PDE11A: variants seen among roughly 807,000 people sequenced by gnomAD.
The protein encoded by PDE11A is phosphodiesterase 11A, also known as dual 3',5'-cyclic-AMP and -GMP phosphodiesterase 11A.
PDE11A carries 100 observed loss-of-function variants against 100.5 expected under a neutral mutation model. That is an observed-to-expected ratio of 1.00 (90% CI 0.85 to 1.18). The LOEUF is 1.18. Ranked by LOEUF, PDE11A falls within the 50% of genes most tolerant of loss-of-function variation. The pLI is 0.00. For synonymous variants in PDE11A, 381 were observed against 420.8 expected (o/e 0.91, Z 1.16); for missense variants, 1,141 against 1,152.6 (o/e 0.99, Z 0.15).
In PDE11A at chr2:177,979,556, T is replaced by C. The variant is rs573037615; in HGVS notation, c.1071+34746A>G. ...TCTCAATTCTGTGGAATCCAGGGACTTGCATCTCTCTGACAGCTTTATTAC... is the reference window on the plus strand; with the variant it reads ...TCTCAATTCTGTGGAATCCAGGGACCTGCATCTCTCTGACAGCTTTATTAC... On this transcript the variant is annotated intron_variant, in intron 2 of 19. Coordinates refer to ENST00000286063, the MANE Select transcript of PDE11A (RefSeq NM_016953.4). Among the ~76,000 whole-genome samples, 216 of 149,786 alleles carry C rather than the reference T, an allele frequency of 1.4e-3. 3 individuals are homozygous for C. The highest frequency in any genetic ancestry group is 5.1e-3 in the African/African-American group (211 of 41,232).
chr2:177,959,976 A>T (rs551407008), intron 2 of PDE11A, among the ~76,000 whole-genome samples: 1 of 152,286 alleles, frequency 6.6e-6, no homozygotes, highest in South Asian at 2.1e-4. Context: ...TTTCCTAAGT[A>T]GCTAAGCATT....
rs138426417 is a variant in PDE11A at position 177,868,855 on chromosome 2, G to C, written c.1367+7004C>G. 6.7e-4 allele frequency among the ~76,000 whole-genome samples: 102 copies of C among 152,298 alleles called. No individual in the cohort carries two copies. The East Asian group carries it at 0.017, about 26-fold the overall frequency. On this transcript the variant is annotated intron_variant, in intron 5 of 19. Transcript: ENST00000286063. ...TCCTAAAGTGATCTTTCCTTGGTTT[G>C]TTGGCTGCAATTTTAAGGGTTGCTA...
chr2:177,851,008 C>A (rs78152536), intron 5 of PDE11A, among the ~76,000 whole-genome samples: 3,413 of 152,290 alleles, frequency 0.022, 59 homozygotes, highest in East Asian at 0.075. Context: ...ACTAGAAATA[C>A]CATTTGACCC....
At chr2:177,634,388 C>CT (rs1198925669) in intron 19 of PDE11A, among the ~76,000 whole-genome samples, 20 of 61,088 alleles carry the variant, frequency 3.3e-4, no homozygotes, top group African/African-American at 4.1e-4. Context: ...TTTTCTCTCT[C>CT]TCTTTTTTTT....
At chr2:177,881,325 T>TATC (rs2084333204) in intron 4 of PDE11A, among the ~76,000 whole-genome samples, 2 of 149,152 alleles carry the variant, frequency 1.3e-5, no homozygotes, top group African/African-American at 5.0e-5. Flanking sequence ...TATCTCTATC[T>TATC]ATCTATCATC....
At chr2:177,641,444 T>G (rs1327147818) in intron 19 of PDE11A, among the ~76,000 whole-genome samples, 1 of 95,892 alleles carries the variant, frequency 1.0e-5, no homozygotes. Flanking sequence ...AAAAAAAAGC[T>G]AGACTCCACA....
chr2:177,824,030 T>C (rs13414329), intron 6 of PDE11A, among the ~76,000 whole-genome samples: 3,273 of 152,220 alleles, frequency 0.022, 132 homozygotes, highest in African/African-American at 0.075. Flanking sequence ...CTTAGGCTGT[T>C]CGCCAGTTAA....
rs139428775 is a variant in PDE11A, at chr2:177,658,483, C to T, written c.2646+5383G>A. Among the ~76,000 whole-genome samples the T allele has an allele frequency of 1.3e-3, 192 of 151,494 alleles. 1 individual carries two copies. Among genetic ancestry groups the T allele is most frequent in the South Asian group, 0.012 (57 of 4,752 alleles). ...CCCTCCTCTGCCTCTCCTCCCTTCC[C>T]CTCTCCTCTCCTCTTCTTTTTTCCC... is the stretch of plus-strand genomic sequence containing the variant. On this transcript the variant is annotated intron_variant, in intron 19 of 19. Transcript: ENST00000286063.
intron 6 of PDE11A, among the ~76,000 whole-genome samples, chr2:177,832,031 C>A (rs147540229): frequency 2.0e-5 from 3 of 152,106 alleles, no homozygotes; most frequent in Non-Finnish European, 4.4e-5. Flanking sequence ...GACCCCTCCA[C>A]GAATGTCAGG....
At chr2:177,876,489 C>A (rs984094831) in intron 4 of PDE11A, among the ~76,000 whole-genome samples, 4 of 148,168 alleles carry the variant, frequency 2.7e-5, no homozygotes, top group Non-Finnish European at 5.9e-5. Flanking sequence ...CATACCAGTG[C>A]GAGAGTTGAC....
At chr2:177,805,184 A>G (rs1458310054) in intron 9 of PDE11A, among the ~76,000 whole-genome samples, 1 of 152,018 alleles carries the variant, frequency 6.6e-6, no homozygotes, top group Non-Finnish European at 1.5e-5. Context: ...TGAGTCAGGA[A>G]TTATTGTTTT....
At chr2:177,710,224 A>G (rs2081339560) in intron 13 of PDE11A, among the ~76,000 whole-genome samples, 1 of 152,004 alleles carries the variant, frequency 6.6e-6, no homozygotes, top group Non-Finnish European at 1.5e-5. Flanking sequence ...CCTCTTACCG[A>G]GATAGGAGGG....
chr2:178,078,237 T>C (rs1340496109), intron 2 of PDE11A, among the ~76,000 whole-genome samples: 2 of 152,114 alleles, frequency 1.3e-5, no homozygotes, highest in Non-Finnish European at 2.9e-5. Context: ...GTCACACATA[T>C]TATGTTTCCT....
intron 1 of PDE11A, among the ~76,000 whole-genome samples, chr2:178,104,628 A>G (rs1356262126): frequency 6.6e-6 from 1 of 152,246 alleles, no homozygotes; most frequent in Admixed American, 6.5e-5. Flanking sequence ...GCTTTAATGT[A>G]TGAGTGCTCA....
At chr2:178,053,463 A>T (rs2086855124) in intron 1 of PDE11A, among the ~76,000 whole-genome samples, 1 of 152,220 alleles carries the variant, frequency 6.6e-6, no homozygotes, top group South Asian at 2.1e-4. Context: ...GAAGACAGGG[A>T]TGCCCTCTCT....
At position 177,844,528 on chromosome 2, in the gene PDE11A, TTAA is replaced by T. The variant is rs1440893551; in HGVS notation, c.1368-4148_1368-4146del. On this transcript the variant is annotated intron_variant, in intron 5 of 19. Transcript: ENST00000286063. ...CAATTTTGGAATTCCTTTTTTTTTTTTAATTAATTAATTAATTTATTTATTTTT... is the reference window on the plus strand; with the variant it reads ...CAATTTTGGAATTCCTTTTTTTTTTTTTAATTAATTAATTTATTTATTTTT... 6.8e-3 allele frequency among the ~76,000 whole-genome samples: 1,029 copies of T among 151,482 alleles called. 9 individuals are homozygous for T. The highest frequency in any genetic ancestry group is 0.023 in the African/African-American group (956 of 41,234).
chr2:177,988,530 G>A (rs532593837), intron 2 of PDE11A, among the ~76,000 whole-genome samples: 25 of 152,246 alleles, frequency 1.6e-4, no homozygotes, highest in African/African-American at 5.8e-4. Flanking sequence ...CAGTCACAAG[G>A]GACCCCATGC....
At chr2:178,041,481 A>G (rs539816970) in intron 1 of PDE11A, among the ~76,000 whole-genome samples, 2 of 151,934 alleles carry the variant, frequency 1.3e-5, no homozygotes, top group African/African-American at 4.8e-5. Flanking sequence ...TGACCTTCTG[A>G]TCCGCCCGCC....
At chr2:177,857,665 G>A (rs1004490790) in intron 5 of PDE11A, among the ~76,000 whole-genome samples, 1 of 151,734 alleles carries the variant, frequency 6.6e-6, no homozygotes, top group Non-Finnish European at 1.5e-5. Context: ...TACAGAAAAG[G>A]CAAATGTAAA....
Sources: gnomAD v4.1 joint callset for allele counts (sites outside exome capture counted in the v4.1 genomes callset) on GRCh38, gnomAD v4.1.1 for gene constraint, MANE v1.5 for transcripts, NCBI Gene and HGNC (gene_info 2026-07-23, HGNC 2026-07-21) for gene names.